SMURF1: variants seen among roughly 807,000 people sequenced by gnomAD.
SMURF1 encodes the protein SMAD specific E3 ubiquitin protein ligase 1, also known as E3 ubiquitin-protein ligase SMURF1.
SMURF1 carries 44 observed loss-of-function variants against 98.0 expected under a neutral mutation model. The observed-to-expected ratio is 0.45, with a 90% CI of 0.35 to 0.58. SMURF1 has a LOEUF of 0.58. Ranked by LOEUF, SMURF1 falls within the 20% of genes least tolerant of loss-of-function variation. SMURF1 has a pLI of 0.00. For synonymous variants in SMURF1, 396 were observed against 374.9 expected, an observed-to-expected ratio of 1.06 and a Z score of -0.65; for missense variants, 687 against 938.4, an observed-to-expected ratio of 0.73 and a Z score of 3.50.
intron 1 of SMURF1, chr7:99,121,260 A>C (rs1435825029): frequency 6.7e-6 from 1 of 149,250 alleles, no homozygotes; most frequent in Non-Finnish European, 1.5e-5. Flanking sequence ...GTGTGAGTTG[A>C]GATTAATGAC....
intron 1 of SMURF1, among the ~76,000 whole-genome samples, chr7:99,069,072 C>T (rs1438318483): frequency 6.6e-6 from 1 of 152,096 alleles, no homozygotes; most frequent in Non-Finnish European, 1.5e-5. Flanking sequence ...GTCTTTCCTG[C>T]TTTTTTCATG....
rs750230186 is a variant in SMURF1, at chr7:99,060,651, T to C, written c.151A>G (p.Thr51Ala). ...VVDGSGQCHS[T>A]DTVKNTLDPK... ...TCCAATGTGTTTTTCACAGTGTCGG[T>C]TGAGTGGCACTGCCCAGACCCATCC... Residue 51 changes from threonine (T) to alanine (A), a missense_variant, in exon 3 of 18, where the codon ACC (threonine) becomes GCC (alanine). Physicochemically the swap from Thr to Ala is moderately conservative, Grantham distance 58. Around this residue, in one of 2 missense-constraint regions of SMURF1, gnomAD observed 415 missense variants for 508.4 expected, o/e 0.82. Coordinates refer to ENST00000361368, the MANE Select transcript of SMURF1 (RefSeq NM_181349.3). 2 of 1,614,060 alleles carry C rather than the reference T, an allele frequency of 1.2e-6. No homozygotes were observed. Among genetic ancestry groups the C allele is most frequent in the Admixed American group, 1.7e-5 (1 of 59,998 alleles).
At chr7:99,116,372 T>A (rs996410997) in intron 1 of SMURF1, among the ~76,000 whole-genome samples, 16 of 152,102 alleles carry the variant, frequency 1.1e-4, no homozygotes, top group Non-Finnish European at 2.4e-4. Context: ...GGAACAAGAC[T>A]AGACTGCAAT....
rs1331811082 is a variant in SMURF1, at chr7:99,143,942, G to A, written c.-162C>T. On this transcript the variant is annotated 5_prime_UTR_variant, in exon 1 of 18. Coordinates refer to ENST00000361368, the MANE Select transcript of SMURF1 (RefSeq NM_181349.3). ...GGCCCAGGCGTCCGGGCGGCAGGCG[G>A]ATGGTCGAGCCGGGAGATCGGCGCT... 7 of 501,766 alleles carry A rather than the reference G, an allele frequency of 1.4e-5. No individual in the cohort carries two copies. Among genetic ancestry groups the A allele is most frequent in the Admixed American group, 4.6e-5 (1 of 21,622 alleles). The allele number at this position is 501,766 out of a possible 1,614,324, so 31.1% of individuals were successfully genotyped here.
intron 3 of SMURF1, among the ~76,000 whole-genome samples, chr7:99,059,734 C>G (rs918796434): frequency 9.9e-5 from 15 of 151,486 alleles, no homozygotes; most frequent in African/African-American, 3.2e-4. Context: ...ATGGTGAAAC[C>G]CCGTCTCAAC....
intron 13 of SMURF1, 49 bp from the exon 14 acceptor site, chr7:99,038,574 G>C (rs201950353): frequency 6.3e-7 from 1 of 1,589,894 alleles, no homozygotes; most frequent in Admixed American, 1.7e-5. Flanking sequence ...GCCACCACGC[G>C]GGGCCATTGG....
chr7:99,130,100 T>C (rs889738734), intron 1 of SMURF1, among the ~76,000 whole-genome samples: 1 of 152,222 alleles, frequency 6.6e-6, no homozygotes, highest in Admixed American at 6.5e-5. Context: ...CTCTGTTATC[T>C]CTAGAGAAAT....
At chr7:99,068,196 T>C (rs1381420905) in intron 1 of SMURF1, among the ~76,000 whole-genome samples, 1 of 152,216 alleles carries the variant, frequency 6.6e-6, no homozygotes, top group African/African-American at 2.4e-5. Flanking sequence ...TCTGTATTTT[T>C]ATACCCACTC....
intron 1 of SMURF1, among the ~76,000 whole-genome samples, chr7:99,130,954 C>T (rs1427486480): frequency 6.6e-6 from 1 of 152,188 alleles, no homozygotes; most frequent in Non-Finnish European, 1.5e-5. Flanking sequence ...CAACTCCAGG[C>T]CTTCTACCCC....
chr7:99,082,108 C>T (rs1187388814), intron 1 of SMURF1, among the ~76,000 whole-genome samples: 1 of 152,202 alleles, frequency 6.6e-6, no homozygotes, highest in African/African-American at 2.4e-5. Flanking sequence ...TGTTCAGATC[C>T]TTTACCCATG....
chr7:99,034,431 C>T (rs531948458), intron 16 of SMURF1, among the ~76,000 whole-genome samples: 29 of 152,274 alleles, frequency 1.9e-4, no homozygotes, highest in African/African-American at 6.5e-4. Flanking sequence ...AAGACAATGG[C>T]GCCATGAGAA....
intron 11 of SMURF1, among the ~76,000 whole-genome samples, chr7:99,042,752 C>T (rs1037856435): frequency 2.0e-5 from 3 of 152,194 alleles, no homozygotes; most frequent in African/African-American, 4.8e-5. Flanking sequence ...GGCAGATCTA[C>T]GAAGAGTCTT....
intron 1 of SMURF1, among the ~76,000 whole-genome samples, chr7:99,132,699 G>GAC (rs113194877): frequency 0.13 from 19,511 of 147,098 alleles, 1,960 homozygotes; most frequent in African/African-American, 0.3. Flanking sequence ...CAGACACACG[G>GAC]ACACACACAC....
At chr7:99,061,181 G>A (rs897094451) in intron 2 of SMURF1, among the ~76,000 whole-genome samples, 6 of 152,142 alleles carry the variant, frequency 3.9e-5, no homozygotes, top group African/African-American at 1.4e-4. Flanking sequence ...CCACCATGCT[G>A]GAGCTTCCTG....
intron 11 of SMURF1, among the ~76,000 whole-genome samples, chr7:99,044,591 G>GT (rs1237740198): frequency 6.6e-6 from 1 of 152,180 alleles, no homozygotes; most frequent in African/African-American, 2.4e-5. Flanking sequence ...AGAGAAAGTT[G>GT]TAAGTATGAA....
intron 1 of SMURF1, among the ~76,000 whole-genome samples, chr7:99,117,954 A>C (rs1797499361): frequency 6.6e-6 from 1 of 152,052 alleles, no homozygotes; most frequent in Non-Finnish European, 1.5e-5. Flanking sequence ...TCTAAGGAAG[A>C]TATACAAATA....
chr7:99,033,742 G>T lies in SMURF1; in HGVS notation c.2012-621C>A, dbSNP rs568149433. 9.8e-5 allele frequency among the ~76,000 whole-genome samples: 15 copies of T among 152,344 alleles called. No individual in the cohort carries two copies. In the East Asian group the frequency reaches 2.9e-3, roughly 29 times the overall value. On this transcript the variant is annotated intron_variant, in intron 16 of 17. Coordinates refer to ENST00000361368, the MANE Select transcript of SMURF1 (RefSeq NM_181349.3). Reference sequence around the variant, plus strand: ...CAGAGCTATTTGTACCCACCCTCTGGAATAGACGACTTGCCCACCAGTTCT... The same window carrying T: ...CAGAGCTATTTGTACCCACCCTCTGTAATAGACGACTTGCCCACCAGTTCT...
chr7:99,141,818 C>T (rs924419013), intron 1 of SMURF1, among the ~76,000 whole-genome samples: 2 of 152,184 alleles, frequency 1.3e-5, no homozygotes, highest in East Asian at 3.9e-4. Flanking sequence ...GTGTTCAAAA[C>T]GCTCATTCTC....
chr7:99,050,076 G>T, intron 8 of SMURF1: 1 of 160,662 alleles, frequency 6.2e-6, no homozygotes, highest in Non-Finnish European at 1.4e-5. Flanking sequence ...GTGTGGTGGT[G>T]GGTGCCTGTA....
Sources: gnomAD v4.1 joint callset for allele counts (sites outside exome capture counted in the v4.1 genomes callset) on GRCh38, gnomAD v4.1.1 for gene constraint, gnomAD v4.1.1 regional missense constraint, MANE v1.5 for transcripts, NCBI Gene and HGNC (gene_info 2026-07-23, HGNC 2026-07-21) for gene names.